The following TMEM233 variants were observed in gnomAD, a reference collection of about 807,000 sequenced individuals.
The protein encoded by TMEM233 is transmembrane protein 233.
A neutral mutation model predicts 11.2 loss-of-function variants in TMEM233; 6 were observed. The ratio of observed to expected loss-of-function variants is 0.54; its 90% confidence interval spans 0.29 to 1.06. The LOEUF (loss-of-function observed/expected upper bound fraction) is 1.06. Ranked by LOEUF, TMEM233 falls within the 50% of genes least tolerant of loss-of-function variation. The probability of loss-of-function intolerance (pLI) is 0.08; values close to 1 mark genes in which losing one functional copy is unlikely to be tolerated. For synonymous variants in TMEM233, 59 were observed against 55.8 expected (o/e 1.06, Z -0.26); for missense variants, 127 against 144.7 (o/e 0.88, Z 0.63).
chr12:119,601,690 G>T (rs1204176682), intron 1 of TMEM233, among the ~76,000 whole-genome samples: 2 of 148,992 alleles, frequency 1.3e-5, no homozygotes, highest in Non-Finnish European at 1.5e-5. Context: ...GTGAAAAGAT[G>T]ACTTCAAAAA....
rs1379247917 is a variant in TMEM233 at position 119,626,593 on chromosome 12, AGAGAAAAAAG to A, written c.187-3142_187-3133del. Among the ~76,000 whole-genome samples the A allele has an allele frequency of 1.8e-3, 257 of 141,244 alleles. 1 individual carries two copies. The highest frequency in any genetic ancestry group is 7.4e-3 in the Middle Eastern group (2 of 272). The allele number at this position is 141,244 out of a possible 152,430, so 92.7% of individuals were successfully genotyped here. On this transcript the variant is annotated intron_variant, in intron 1 of 2. Coordinates refer to ENST00000426426, the MANE Select transcript of TMEM233 (RefSeq NM_001136534.3). ...AGAGAAGAGAAGAGAAGAGAAGAGAAGAGAAAAAAGAAAAGAAAAGAAAACTACACAGGTA... is the reference window on the plus strand; with the variant it reads ...AGAGAAGAGAAGAGAAGAGAAGAGAAAAAAGAAAAGAAAACTACACAGGTA...
chr12:119,645,092 A>AGGCCAATGG (rs1224544212), downstream of TMEM233, among the ~76,000 whole-genome samples: 9 of 152,194 alleles, frequency 5.9e-5, no homozygotes. Flanking sequence ...CGCAGTGCTG[A>AGGCCAATGG]GGCCAATAGG....
intron 2 of TMEM233, among the ~76,000 whole-genome samples, chr12:119,640,175 G>A (rs1955056168): frequency 8.3e-6 from 1 of 120,596 alleles, no homozygotes; most frequent in East Asian, 2.3e-4. Flanking sequence ...TGTTTTTTGA[G>A]ATGGAGTCTT....
the TMEM233 span, among the ~76,000 whole-genome samples, chr12:119,650,842 C>T: frequency 1.3e-5 from 2 of 152,180 alleles, no homozygotes; most frequent in African/African-American, 4.8e-5. Flanking sequence ...CGGGTTTTGC[C>T]ATGTTGGCCA....
In TMEM233 at chr12:119,594,062, TG is replaced by T. The variant is rs1953974689; in HGVS notation, c.186+31del. Reference sequence around the variant, plus strand: ...GAGTGAATCACGGCCAGAGGCAGCCTGGGAGGAGAGACCCGGGCGGCTTTGA... The same window carrying T: ...GAGTGAATCACGGCCAGAGGCAGCCTGGAGGAGAGACCCGGGCGGCTTTGA... On this transcript the variant is annotated intron_variant, in intron 1 of 2. Coordinates refer to ENST00000426426, the MANE Select transcript of TMEM233 (RefSeq NM_001136534.3). The surrounding 1 kb of genome is among the most constrained non-coding windows in gnomAD (Gnocchi z 5.6). 1.3e-6 allele frequency: 2 copies of T among 1,548,710 alleles called. No homozygotes were observed. Among genetic ancestry groups the T allele is most frequent in the Non-Finnish European group, 1.7e-6 (2 of 1,145,252 alleles).
At chr12:119,616,648 A>T (rs1702915981) in intron 1 of TMEM233, among the ~76,000 whole-genome samples, 1 of 152,192 alleles carries the variant, frequency 6.6e-6, no homozygotes, top group Non-Finnish European at 1.5e-5. Context: ...AGTCATGGTT[A>T]TTAAAATGTA....
intron 1 of TMEM233, among the ~76,000 whole-genome samples, chr12:119,606,742 GACAT>G (rs1195823328): frequency 6.6e-6 from 1 of 152,216 alleles, no homozygotes; most frequent in Non-Finnish European, 1.5e-5. Context: ...CATTAGTCAT[GACAT>G]AAATTATAAA....
At chr12:119,653,718 A>G in the TMEM233 span, among the ~76,000 whole-genome samples, 1 of 152,076 alleles carries the variant, frequency 6.6e-6, no homozygotes, top group African/African-American at 2.4e-5. Flanking sequence ...AGAAGAAAGG[A>G]GCAATGATCT....
Position 119,594,150 on chromosome 12 carries a change from A to G in TMEM233, c.186+116A>G, listed in dbSNP as rs1953979231. On this transcript the variant is annotated intron_variant, in intron 1 of 2. Coordinates refer to ENST00000426426, the MANE Select transcript of TMEM233 (RefSeq NM_001136534.3). This position sits in a 1 kb window ranked among gnomAD's most constrained non-coding sequence, Gnocchi z 5.6. Reference sequence around the variant, plus strand: ...CCTTCCTCACGGCCCGGCCCGCGCTAGGTGTTCTTTGTCCTCGCACCTCCT... The same window carrying G: ...CCTTCCTCACGGCCCGGCCCGCGCTGGGTGTTCTTTGTCCTCGCACCTCCT... 1.8e-6 allele frequency: 2 copies of G among 1,091,010 alleles called. No homozygotes were observed. Among genetic ancestry groups the G allele is most frequent in the Non-Finnish European group, 2.6e-6 (2 of 768,216 alleles). The allele number at this position is 1,091,010 out of a possible 1,614,324, so 67.6% of individuals were successfully genotyped here.
chr12:119,613,671 C>T (rs749869119), intron 1 of TMEM233, among the ~76,000 whole-genome samples: 1 of 151,964 alleles, frequency 6.6e-6, no homozygotes, highest in Non-Finnish European at 1.5e-5. Flanking sequence ...AAAAATTAGT[C>T]GGGCATGGTG....
intron 2 of TMEM233, among the ~76,000 whole-genome samples, chr12:119,635,527 T>C (rs1342765312): frequency 6.6e-6 from 1 of 152,170 alleles, no homozygotes; most frequent in Non-Finnish European, 1.5e-5. Flanking sequence ...CACACAGCTG[T>C]GAGCAGGTGT....
the TMEM233 span, among the ~76,000 whole-genome samples, chr12:119,649,943 G>A: frequency 1.3e-5 from 2 of 150,864 alleles, no homozygotes; most frequent in African/African-American, 2.4e-5. Flanking sequence ...CGGATCACGA[G>A]GTAAGGAGAT....
rs145314157 is a variant in TMEM233, at chr12:119,610,553, T to C, written c.186+16519T>C. On this transcript the variant is annotated intron_variant, in intron 1 of 2. Coordinates refer to ENST00000426426, the MANE Select transcript of TMEM233 (RefSeq NM_001136534.3). The stretch of plus-strand genomic sequence containing the variant: ...ATGGGAGGGACCTGGTGGGAGGTAA[T>C]TGAATCATGGGGGTGGTTTCCCCCA... Among the ~76,000 whole-genome samples the C allele has an allele frequency of 5.3e-5, 8 of 152,278 alleles. No homozygotes were observed. The East Asian group carries it at 1.5e-3, about 29-fold the overall frequency.
At chr12:119,624,990 GAGA>G (rs1954721318) in intron 1 of TMEM233, among the ~76,000 whole-genome samples, 1 of 151,984 alleles carries the variant, frequency 6.6e-6, no homozygotes, top group Admixed American at 6.6e-5. Flanking sequence ...ACCCAAGCTG[GAGA>G]ACTCCAGAAT....
the TMEM233 span, among the ~76,000 whole-genome samples, chr12:119,651,546 C>T: frequency 6.6e-6 from 1 of 151,996 alleles, no homozygotes; most frequent in Non-Finnish European, 1.5e-5. Context: ...AGGCCAGGTG[C>T]AGTGGCTCAC....
intron 1 of TMEM233, among the ~76,000 whole-genome samples, 200 bp from the exon 2 acceptor site, chr12:119,629,536 G>A (rs1777676688): frequency 6.6e-6 from 1 of 152,216 alleles, no homozygotes; most frequent in Non-Finnish European, 1.5e-5. Flanking sequence ...ATACAGAGGG[G>A]GCAGTTAACT....
chr12:119,604,565 T>C (rs2136686242), intron 1 of TMEM233, among the ~76,000 whole-genome samples: 1 of 152,306 alleles, frequency 6.6e-6, no homozygotes, highest in Non-Finnish European at 1.5e-5. Flanking sequence ...CATTCTTGCA[T>C]TGTAGACCCA....
At chr12:119,603,465 A>G (rs1272775181) in intron 1 of TMEM233, among the ~76,000 whole-genome samples, 2 of 152,230 alleles carry the variant, frequency 1.3e-5, no homozygotes, top group East Asian at 1.9e-4. Flanking sequence ...GTGAATGTCA[A>G]TGATGACTTT....
intron 2 of TMEM233, chr12:119,631,355 A>C: frequency 3.7e-6 from 1 of 273,856 alleles, no homozygotes; most frequent in Non-Finnish European, 5.6e-6. Context: ...GGCAACCAAG[A>C]CAGTAGCAGA....
Sources: allele counts gnomAD v4.1 joint callset (sites outside exome capture counted in the v4.1 genomes callset), GRCh38; gene constraint gnomAD v4.1.1; non-coding constraint Gnocchi (gnomAD v3.1); transcripts MANE v1.5; gene names NCBI Gene and HGNC (gene_info 2026-07-23, HGNC 2026-07-21).